TIMP2: variants seen among roughly 807,000 people sequenced by gnomAD.
TIMP2 encodes the protein TIMP metallopeptidase inhibitor 2, also known as metalloproteinase inhibitor 2.
In TIMP2, 5 loss-of-function variants were observed where a neutral mutation model predicts 24.3. The observed-to-expected ratio is 0.21, with a 90% CI of 0.11 to 0.43. The LOEUF (loss-of-function observed/expected upper bound fraction) is 0.43. Ranked by LOEUF, TIMP2 falls within the 20% of genes least tolerant of loss-of-function variation. The pLI is 1.00. For synonymous variants in TIMP2, 130 were observed against 123.2 expected (o/e 1.06, Z -0.37); for missense variants, 221 against 297.5 (o/e 0.74, Z 1.89).
chr17:78,885,123 C>A (rs928810511), intron 1 of TIMP2, among the ~76,000 whole-genome samples: 1 of 152,256 alleles, frequency 6.6e-6, no homozygotes. Context: ...CACGGACCAA[C>A]AGGGCGACCC....
chr17:78,901,739 C>T (rs1472511570), intron 1 of TIMP2: 1 of 717,302 alleles, frequency 1.4e-6, no homozygotes, highest in Non-Finnish European at 2.6e-6. Flanking sequence ...GTGCTTGTCA[C>T]CACGAGAAGC....
intron 1 of TIMP2, chr17:78,892,301 CAG>C: frequency 1.3e-6 from 2 of 1,550,698 alleles, no homozygotes; most frequent in Non-Finnish European, 1.7e-6. Flanking sequence ...GTTATCAGGA[CAG>C]AGGCTCAGCC....
rs559917563 is a variant in TIMP2 at position 78,911,017 on chromosome 17, G to T, written c.130+13942C>A. Among the ~76,000 whole-genome samples, 790 of 152,250 alleles carry T rather than the reference G, an allele frequency of 5.2e-3. 5 individuals carry two copies. Among genetic ancestry groups the T allele is most frequent in the Non-Finnish European group, 6.9e-3 (467 of 68,020 alleles). On this transcript the variant is annotated intron_variant, in intron 1 of 4. Coordinates refer to ENST00000262768, the MANE Select transcript of TIMP2 (RefSeq NM_003255.5). ...GCTGGATCATATGGCCGTTCTATTT[G>T]TAGTTTTTTGAGGAACCTCCACCAT...
At chr17:78,909,234 A>G (rs1249145337) in intron 1 of TIMP2, among the ~76,000 whole-genome samples, 1 of 152,124 alleles carries the variant, frequency 6.6e-6, no homozygotes, top group Non-Finnish European at 1.5e-5. Flanking sequence ...ACACACCTGC[A>G]ATCCCAGCTA....
intron 1 of TIMP2, chr17:78,890,892 G>A: frequency 1.3e-6 from 2 of 1,550,602 alleles, no homozygotes; most frequent in Non-Finnish European, 8.7e-7. Context: ...TCTTTTTCTA[G>A]CTCAGCTTTG....
At chr17:78,923,982 C>G (rs1372519008) in intron 1 of TIMP2, among the ~76,000 whole-genome samples, 1 of 152,170 alleles carries the variant, frequency 6.6e-6, no homozygotes, top group Non-Finnish European at 1.5e-5. Context: ...CAGGGGGCTC[C>G]GAGACCACCT....
At chr17:78,918,065 A>AACACACACACACACACACACAC (rs57256110) in intron 1 of TIMP2, among the ~76,000 whole-genome samples, 2 of 144,812 alleles carry the variant, frequency 1.4e-5, no homozygotes, top group Non-Finnish European at 3.0e-5. Flanking sequence ...TGCACACACA[A>AACACACACACACACACACACAC]ACACACACAC....
chr17:78,864,391 T>TTCCTCCCTCCCTC (rs1567992051), intron 3 of TIMP2, among the ~76,000 whole-genome samples: 2 of 131,848 alleles, frequency 1.5e-5, no homozygotes, highest in Non-Finnish European at 3.1e-5. Flanking sequence ...CTCCCTCCCT[T>TTCCTCCCTCCCTC]CCTTCCTTCC....
rs1037778269 is a variant in TIMP2, at chr17:78,920,374, G to A, written c.130+4585C>T. On this transcript the variant is annotated intron_variant, in intron 1 of 4. Transcript: ENST00000262768. This position sits in a 1 kb window ranked among gnomAD's most constrained non-coding sequence, Gnocchi z 4.5. The stretch of plus-strand genomic sequence containing the variant: ...TGCACCCCCAGAAGGGTGCAAATAG[G>A]GGAGGCCCGAGAGGCTCTGAGGCTG... 6.6e-6 allele frequency among the ~76,000 whole-genome samples: 1 copy of A among 152,176 alleles called. No individual in the cohort carries two copies. The highest frequency in any genetic ancestry group is 2.1e-4 in the South Asian group (1 of 4,834).
At chr17:78,866,850 C>T (rs1488789813) in intron 3 of TIMP2, among the ~76,000 whole-genome samples, 1 of 152,102 alleles carries the variant, frequency 6.6e-6, no homozygotes, top group African/African-American at 2.4e-5. Flanking sequence ...GGGAAGTATA[C>T]CAGTGGCTGC....
intron 3 of TIMP2, among the ~76,000 whole-genome samples, chr17:78,859,458 G>C (rs2069551140): frequency 6.6e-6 from 1 of 152,076 alleles, no homozygotes. Context: ...TCAGGAGTTC[G>C]AGACCAGCCT....
intron 1 of TIMP2, among the ~76,000 whole-genome samples, chr17:78,908,487 G>A (rs2070180228): frequency 6.6e-6 from 1 of 152,108 alleles, no homozygotes; most frequent in South Asian, 2.1e-4. Context: ...TGGCCAAAAG[G>A]AGCAAAGTGA....
At chr17:78,918,861 G>A (rs976453422) in intron 1 of TIMP2, among the ~76,000 whole-genome samples, 8 of 152,046 alleles carry the variant, frequency 5.3e-5, no homozygotes, top group African/African-American at 1.7e-4. Context: ...TTAGCTGGGC[G>A]TGGTGGCTGC....
At chr17:78,872,153 T>A (rs2069691282) in intron 2 of TIMP2, among the ~76,000 whole-genome samples, 1 of 140,448 alleles carries the variant, frequency 7.1e-6, no homozygotes, top group Admixed American at 7.3e-5. Flanking sequence ...CATGCTTGGC[T>A]TTTTTTTTTT....
rs34926655 is a variant in TIMP2, at chr17:78,876,683, A to ATT, written c.131-2766_131-2765dup. ...AGGTAACTGCCACCTTGCCAGGCTA[A>ATT]TTTTTTTTTTTTTTGGTATTTTTAG... On this transcript the variant is annotated intron_variant, in intron 1 of 4. Coordinates refer to ENST00000262768, the MANE Select transcript of TIMP2 (RefSeq NM_003255.5). 6.1e-3 allele frequency among the ~76,000 whole-genome samples: 879 copies of ATT among 145,144 alleles called. 14 individuals are homozygous for ATT. The highest frequency in any genetic ancestry group is 0.043 in the East Asian group (214 of 4,974).
At chr17:78,881,275 C>A (rs1277515554) in intron 1 of TIMP2, among the ~76,000 whole-genome samples, 1 of 152,234 alleles carries the variant, frequency 6.6e-6, no homozygotes, top group East Asian at 1.9e-4. Context: ...AGGGAAAGCG[C>A]CTCCTTCCCC....
chr17:78,917,553 T>C (rs186555791), intron 1 of TIMP2, among the ~76,000 whole-genome samples: 18 of 152,334 alleles, frequency 1.2e-4, no homozygotes, highest in African/African-American at 4.1e-4. Flanking sequence ...GAAGCAGGTA[T>C]CTAAGACATA....
intron 1 of TIMP2, among the ~76,000 whole-genome samples, chr17:78,883,989 C>G (rs372987777): frequency 1.3e-5 from 2 of 152,242 alleles, no homozygotes; most frequent in Non-Finnish European, 2.9e-5. Flanking sequence ...CACCAGACCC[C>G]GGGAGGATTT....
At chr17:78,864,241 C>G (rs1359317594) in intron 3 of TIMP2, among the ~76,000 whole-genome samples, 1 of 151,898 alleles carries the variant, frequency 6.6e-6, no homozygotes, top group Non-Finnish European at 1.5e-5. Flanking sequence ...TGACCACACC[C>G]AGCTCATCTC....
Sources: gnomAD v4.1 joint callset for allele counts (sites outside exome capture counted in the v4.1 genomes callset) on GRCh38, gnomAD v4.1.1 for gene constraint, Gnocchi (gnomAD v3.1) non-coding constraint, MANE v1.5 for transcripts, NCBI Gene and HGNC (gene_info 2026-07-23, HGNC 2026-07-21) for gene names.